MPP7: variants seen among roughly 807,000 people sequenced by gnomAD.
The protein encoded by MPP7 is MAGUK p55 subfamily member 7.
A neutral mutation model predicts 76.5 loss-of-function variants in MPP7; 60 were observed. The observed-to-expected ratio is 0.78, with a 90% CI of 0.64 to 0.97. MPP7 has a LOEUF of 0.97. Ranked by LOEUF, MPP7 falls within the 50% of genes least tolerant of loss-of-function variation. MPP7 has a pLI of 0.00. For synonymous variants in MPP7, 237 were observed against 244.5 expected, an observed-to-expected ratio of 0.97 and a Z score of 0.29; for missense variants, 641 against 694.0, an observed-to-expected ratio of 0.92 and a Z score of 0.86.
intron 1 of MPP7, among the ~76,000 whole-genome samples, chr10:28,265,214 T>G (rs1194416710): frequency 6.6e-6 from 1 of 152,028 alleles, no homozygotes. Flanking sequence ...CGAGAAGGGG[T>G]AATTGATAAA....
intron 5 of MPP7, among the ~76,000 whole-genome samples, chr10:28,136,488 A>C (rs184725728): frequency 8.9e-4 from 136 of 152,308 alleles, no homozygotes; most frequent in Middle Eastern, 3.4e-3. Context: ...GCTCATAATG[A>C]AGAAAAAAAT....
chr10:28,240,523 A>G (rs1407652092), intron 1 of MPP7, among the ~76,000 whole-genome samples: 1 of 152,160 alleles, frequency 6.6e-6, no homozygotes, highest in Non-Finnish European at 1.5e-5. Context: ...AAACATGCAT[A>G]CAAATCCATA....
chr10:28,295,624 A>G (rs1402748803), intron 1 of MPP7, among the ~76,000 whole-genome samples: 1 of 152,232 alleles, frequency 6.6e-6, no homozygotes, highest in African/African-American at 2.4e-5. Context: ...GCACATACAG[A>G]GAAACTGTCC....
chr10:28,131,189 T>C (rs1451751438), intron 6 of MPP7, among the ~76,000 whole-genome samples: 1 of 152,214 alleles, frequency 6.6e-6, no homozygotes, highest in Non-Finnish European at 1.5e-5. Flanking sequence ...TGCTGTAAAT[T>C]AGTTTAAATT....
chr10:28,240,355 C>G (rs1564726364), intron 1 of MPP7, among the ~76,000 whole-genome samples: 1 of 152,094 alleles, frequency 6.6e-6, no homozygotes, highest in East Asian at 1.9e-4. Flanking sequence ...AAAATCCAAA[C>G]TGTAAGATTC....
At chr10:28,295,984 T>A (rs1378691473) in intron 1 of MPP7, among the ~76,000 whole-genome samples, 1 of 152,260 alleles carries the variant, frequency 6.6e-6, no homozygotes, top group Non-Finnish European at 1.5e-5. Context: ...AATAACTCTC[T>A]GAAGCTATTC....
chr10:28,124,747 T>G (rs1259005218), intron 7 of MPP7, among the ~76,000 whole-genome samples: 1 of 152,054 alleles, frequency 6.6e-6, no homozygotes, highest in African/African-American at 2.4e-5. Context: ...CCTCCAAAAG[T>G]GCTGGGATTA....
intron 3 of MPP7, among the ~76,000 whole-genome samples, chr10:28,154,977 T>C (rs549237344): frequency 2.0e-5 from 3 of 152,018 alleles, no homozygotes; most frequent in Admixed American, 2.0e-4. Context: ...CTGCAGATGA[T>C]GTCATGGAAC....
At chr10:28,331,440 A>C (rs1049582684) in intron 1 of MPP7, among the ~76,000 whole-genome samples, 1 of 152,214 alleles carries the variant, frequency 6.6e-6, no homozygotes, top group African/African-American at 2.4e-5. Flanking sequence ...ATGCAATATA[A>C]TAGTACAATA....
At chr10:28,079,138 C>G (rs911210088) in intron 12 of MPP7, among the ~76,000 whole-genome samples, 1 of 152,084 alleles carries the variant, frequency 6.6e-6, no homozygotes, top group Non-Finnish European at 1.5e-5. Flanking sequence ...TGTTCTGTTT[C>G]AGATTTTCTT....
intron 2 of MPP7, among the ~76,000 whole-genome samples, chr10:28,310,247 C>T (rs1841282518): frequency 6.6e-6 from 1 of 152,068 alleles, no homozygotes; most frequent in Non-Finnish European, 1.5e-5. Flanking sequence ...GGTGAGCAGC[C>T]CACATCGGCC....
chr10:28,218,967 A>G (rs1838405038), intron 2 of MPP7, among the ~76,000 whole-genome samples: 1 of 152,180 alleles, frequency 6.6e-6, no homozygotes, highest in African/African-American at 2.4e-5. Context: ...CAAGAAATAC[A>G]TCTATGCCAC....
intron 3 of MPP7, among the ~76,000 whole-genome samples, chr10:28,192,767 C>T (rs968929157): frequency 1.8e-4 from 28 of 152,162 alleles, no homozygotes; most frequent in African/African-American, 6.8e-4. Context: ...ATATGACAAA[C>T]TGATTATAAA....
chr10:28,279,812 A>G (rs547816347), intron 1 of MPP7, among the ~76,000 whole-genome samples: 9 of 152,066 alleles, frequency 5.9e-5, no homozygotes, highest in Non-Finnish European at 1.2e-4. Flanking sequence ...AGACACGTCT[A>G]TTAATTTTTC....
chr10:28,062,531 AACACACAC>A (rs56923979), intron 13 of MPP7, among the ~76,000 whole-genome samples: 3,459 of 132,344 alleles, frequency 0.026, 48 homozygotes, highest in East Asian at 0.04. Context: ...CATAATAGTA[AACACACAC>A]ACACACACAC....
chr10:28,191,434 T>G (rs1293275786), intron 3 of MPP7, among the ~76,000 whole-genome samples: 1 of 152,192 alleles, frequency 6.6e-6, no homozygotes, highest in Non-Finnish European at 1.5e-5. Flanking sequence ...TCAAATTAAT[T>G]ATATACAGAT....
At chr10:28,065,467 A>G (rs1386491141) in intron 13 of MPP7, among the ~76,000 whole-genome samples, 1 of 152,202 alleles carries the variant, frequency 6.6e-6, no homozygotes, top group Non-Finnish European at 1.5e-5. Flanking sequence ...TCATGAACTC[A>G]TTCACAACAA....
intron 2 of MPP7, among the ~76,000 whole-genome samples, chr10:28,310,176 A>G (rs929690318): frequency 2.4e-4 from 36 of 151,882 alleles, no homozygotes; most frequent in African/African-American, 8.5e-4. Context: ...TAATTGTTGT[A>G]TTTTTGGTAG....
At chr10:28,243,201 A>G (rs1367439011) in intron 1 of MPP7, among the ~76,000 whole-genome samples, 1 of 152,160 alleles carries the variant, frequency 6.6e-6, no homozygotes, top group African/African-American at 2.4e-5. Context: ...CAAAAACAGT[A>G]TATGTTGCTA....
Sources: allele counts gnomAD v4.1 joint callset (sites outside exome capture counted in the v4.1 genomes callset), GRCh38; gene constraint gnomAD v4.1.1; transcripts MANE v1.5; gene names NCBI Gene and HGNC (gene_info 2026-07-23, HGNC 2026-07-21).